HMCN2: variants seen among roughly 807,000 people sequenced by gnomAD.
HMCN2 encodes the protein hemicentin-2.
In HMCN2, 325 loss-of-function variants were observed where a neutral mutation model predicts 377.5. The ratio of observed to expected loss-of-function variants is 0.86; its 90% CI spans 0.79 to 0.94. HMCN2 has a LOEUF of 0.94. Ranked by LOEUF, HMCN2 falls within the 40% of genes least tolerant of loss-of-function variation. The pLI is 0.00. For missense variants in HMCN2, 4,543 were observed against 4,725.3 expected, an observed-to-expected ratio of 0.96 and a Z score of 1.13; for synonymous variants, 2,007 against 2,046.8, an observed-to-expected ratio of 0.98 and a Z score of 0.53.
chr9:130,292,700 A>G (rs2131303966), intron 4 of HMCN2, among the ~76,000 whole-genome samples: 1 of 152,266 alleles, frequency 6.6e-6, no homozygotes, highest in East Asian at 1.9e-4. Context: ...GTTGTCCCAA[A>G]TTTAGTCAGT....
rs181074252 is a variant in HMCN2, at chr9:130,351,058, C to G, written c.4431-365C>G. Among the ~76,000 whole-genome samples, 531 of 152,320 alleles carry G rather than the reference C, an allele frequency of 3.5e-3. 2 individuals carry two copies. The highest frequency in any genetic ancestry group is 0.012 in the African/African-American group (506 of 41,572). On this transcript the variant is annotated intron_variant, in intron 29 of 97. Coordinates refer to ENST00000683500, the MANE Select transcript of HMCN2 (RefSeq NM_001291815.2). The surrounding 1 kb of genome is among the most constrained non-coding windows in gnomAD (Gnocchi z 5.4). ...CTGTCCCCTTCTCCCCAGCCCCTGG[C>G]AACCACAAGCCTGCTTTCCTTCTCT... is the stretch of plus-strand genomic sequence containing the variant.
chr9:130,347,084 GGA>G lies in HMCN2; in HGVS notation c.3830-77_3830-76del, dbSNP rs1839430917. 3.3e-5 allele frequency: 5 copies of G among 152,346 alleles called. No homozygotes were observed. The highest frequency in any genetic ancestry group is 2.6e-4 in the Admixed American group (4 of 15,286). 9.4% of individuals were successfully genotyped at this position (152,346 alleles called of 1,614,324 possible). ...CTGGACCGTCAGCCCCTTTTGCACA[GGA>G]GAGACATGTGGGAGACAGTGCAGGT... On this transcript the variant is annotated intron_variant, in intron 25 of 97. Coordinates refer to ENST00000683500, the MANE Select transcript of HMCN2 (RefSeq NM_001291815.2). The surrounding 1 kb of genome is among the most constrained non-coding windows in gnomAD (Gnocchi z 5.1).
chr9:130,413,515 C>T (rs995787192), intron 85 of HMCN2, among the ~76,000 whole-genome samples: 2 of 152,188 alleles, frequency 1.3e-5, no homozygotes, highest in East Asian at 1.9e-4. Flanking sequence ...CCCTATTTCT[C>T]TTGCTAAGGA....
chr9:130,273,134 A>G lies in HMCN2; in HGVS notation c.259+6997A>G, dbSNP rs782741022. 9.0e-4 allele frequency among the ~76,000 whole-genome samples: 134 copies of G among 149,030 alleles called. 1 individual carries two copies. Among genetic ancestry groups the G allele is most frequent in the African/African-American group, 2.9e-3 (118 of 40,260 alleles). On this transcript the variant is annotated intron_variant, in intron 1 of 97. Transcript: ENST00000683500. ...TGTAAAGATTCAGGTTTTTTTTCTCATAGGTTCCACCCTTTTTTTTTTAAA... is the reference window on the plus strand; with the variant it reads ...TGTAAAGATTCAGGTTTTTTTTCTCGTAGGTTCCACCCTTTTTTTTTTAAA...
Position 130,425,131 on chromosome 9 carries a change from G to T in HMCN2, c.13641+1G>T. Reference sequence around the variant, plus strand: ...GGCTGACGCAGATCTTCAAGTGCAGGTCGGGGGTCAAGCCCTGGGGTGTGC... The same window carrying T: ...GGCTGACGCAGATCTTCAAGTGCAGTTCGGGGGTCAAGCCCTGGGGTGTGC... On this transcript the variant is annotated splice_donor_variant, in intron 89 of 97. Transcript: ENST00000683500. LOFTEE classifies it high-confidence loss of function. 6.5e-7 allele frequency: 1 copy of T among 1,547,048 alleles called. No homozygotes were observed. Among genetic ancestry groups the T allele is most frequent in the Non-Finnish European group, 8.7e-7 (1 of 1,145,374 alleles).
chr9:130,410,546 C>A, intron 84 of HMCN2, 25 bp from the exon 85 acceptor site: 1 of 1,546,282 alleles, frequency 6.5e-7, no homozygotes, highest in Non-Finnish European at 8.7e-7. Context: ...GAGCACCATG[C>A]CTCCTCTCCT....
chr9:130,421,985 A>G (rs1488393055), intron 86 of HMCN2, among the ~76,000 whole-genome samples: 3 of 152,222 alleles, frequency 2.0e-5, no homozygotes. Context: ...TAGTCAGAGG[A>G]AGCACCCCCC....
intron 4 of HMCN2, among the ~76,000 whole-genome samples, chr9:130,290,702 A>G (rs993965339): frequency 1.3e-5 from 2 of 152,186 alleles, no homozygotes; most frequent in African/African-American, 4.8e-5. Context: ...GACAGGTGGG[A>G]CCTTTTCAAG....
chr9:130,289,633 T>C (rs1554929293), intron 4 of HMCN2, among the ~76,000 whole-genome samples: 1 of 152,116 alleles, frequency 6.6e-6, no homozygotes, highest in Non-Finnish European at 1.5e-5. Flanking sequence ...AGGAAGCCCT[T>C]GGTAAGAGTT....
rs1340005389 is a variant in HMCN2, at chr9:130,306,280, C to T, written c.1958+10C>T. On this transcript the variant is annotated intron_variant, in intron 12 of 97. Coordinates refer to ENST00000683500, the MANE Select transcript of HMCN2 (RefSeq NM_001291815.2). ...TACAAGAGGACAGCAGGTGAGGGGC[C>T]CAGGACACAAATCTCAGGGACTCAC... The T allele has an allele frequency of 2.1e-6, 1 of 470,826 alleles. No homozygotes were observed. The highest frequency in any genetic ancestry group is 4.4e-6 in the Non-Finnish European group (1 of 226,842). 29.2% of individuals were successfully genotyped at this position (470,826 alleles called of 1,614,324 possible). A position where few individuals can be genotyped will look rare whatever the true frequency, so the allele number is the denominator to read the frequency against.
At chr9:130,405,095 A>C (rs1843027610) in intron 81 of HMCN2, 36 bp downstream of exon 81, 1 of 1,237,830 alleles carries the variant, frequency 8.1e-7, no homozygotes, top group Admixed American at 2.5e-5. Context: ...GCAGGGAATA[A>C]TGGCTGAGAC....
intron 40 of HMCN2, among the ~76,000 whole-genome samples, chr9:130,363,560 G>A (rs1018792355): frequency 1.3e-5 from 2 of 152,068 alleles, no homozygotes; most frequent in African/African-American, 4.8e-5. Flanking sequence ...GGTGGCTCAC[G>A]CCTGTAATCC....
intron 1 of HMCN2, among the ~76,000 whole-genome samples, 177 bp from the exon 2 acceptor site, chr9:130,284,426 A>T (rs190279028): frequency 1.1e-4 from 17 of 151,808 alleles, no homozygotes; most frequent in Admixed American, 1.1e-3. Context: ...GAGTGGTGTG[A>T]CCTTGTTTTC....
At position 130,374,705 on chromosome 9, in the gene HMCN2, G is replaced by A; in HGVS notation, c.7630+12G>A. The A allele has an allele frequency of 1.0e-6, 1 of 985,620 alleles. No homozygotes were observed. The highest frequency in any genetic ancestry group is 4.7e-5 in the South Asian group (1 of 21,278). 61.1% of individuals were successfully genotyped at this position (985,620 alleles called of 1,614,324 possible). ...GCTCAGTGTCCTGTGTAAGTTTTGG[G>A]CATCTCCTGGCCACCGCGGGTGCTG... On this transcript the variant is annotated intron_variant, in intron 49 of 97. Coordinates refer to ENST00000683500, the MANE Select transcript of HMCN2 (RefSeq NM_001291815.2).
rs766779267 is a variant in HMCN2, at chr9:130,356,069, C to A, written c.5256-19C>A. 2 of 1,251,058 alleles carry A rather than the reference C, an allele frequency of 1.6e-6. No individual in the cohort carries two copies. Among genetic ancestry groups the A allele is most frequent in the African/African-American group, 3.1e-5 (2 of 64,712 alleles). The allele number at this position is 1,251,058 out of a possible 1,614,324, so 77.5% of individuals were successfully genotyped here. ...TCCCTGGTCTCAGGTTGACACGCCC[C>A]CCTCCCTACTCACCTTAGGTGGCTG... On this transcript the variant is annotated intron_variant, in intron 33 of 97. Transcript: ENST00000683500.
intron 82 of HMCN2, chr9:130,407,175 G>A (rs1055670680): frequency 1.2e-4 from 19 of 163,830 alleles, no homozygotes; most frequent in Admixed American, 1.1e-3. Context: ...GGTTGAACCT[G>A]GGAGGTGGAG....
chr9:130,296,074 A>G (rs71501128), intron 6 of HMCN2, among the ~76,000 whole-genome samples: 1 of 152,236 alleles, frequency 6.6e-6, no homozygotes, highest in South Asian at 2.1e-4. Context: ...AAAAGAAGCA[A>G]CAGCAACTTT....
At chr9:130,310,435 C>G (rs1554938700) in intron 15 of HMCN2, among the ~76,000 whole-genome samples, 1 of 152,158 alleles carries the variant, frequency 6.6e-6, no homozygotes, top group African/African-American at 2.4e-5. Context: ...CCACTCTAGG[C>G]TCACTCGTGG....
intron 25 of HMCN2, among the ~76,000 whole-genome samples, chr9:130,345,223 G>A (rs1839314561): frequency 6.9e-6 from 1 of 145,860 alleles, no homozygotes; most frequent in East Asian, 2.1e-4. Flanking sequence ...TGTGGTGTGT[G>A]GTGTGTAGTG....
Sources: gnomAD v4.1 joint callset for allele counts (sites outside exome capture counted in the v4.1 genomes callset) on GRCh38, gnomAD v4.1.1 for gene constraint, Gnocchi (gnomAD v3.1) non-coding constraint, MANE v1.5 for transcripts, NCBI Gene and HGNC (gene_info 2026-07-23, HGNC 2026-07-21) for gene names.